C6orf89: variants seen among roughly 807,000 people sequenced by gnomAD.
The protein encoded by C6orf89 is chromosome 6 open reading frame 89.
In C6orf89, 29 loss-of-function variants were observed where a neutral mutation model predicts 40.7. That is an observed-to-expected ratio of 0.71 (90% CI 0.53 to 0.97). The LOEUF is 0.97. Ranked by LOEUF, C6orf89 falls within the 50% of genes least tolerant of loss-of-function variation. C6orf89 has a pLI of 0.00. For missense variants in C6orf89, 392 were observed against 429.1 expected, an observed-to-expected ratio of 0.91 and a Z score of 0.76; for synonymous variants, 165 against 152.2, an observed-to-expected ratio of 1.08 and a Z score of -0.62.
At chr6:36,908,277 G>A (rs933648001) in intron 4 of C6orf89, among the ~76,000 whole-genome samples, 1 of 144,440 alleles carries the variant, frequency 6.9e-6, no homozygotes, top group Admixed American at 6.9e-5. Flanking sequence ...CCACCAGCCT[G>A]GCCACCTCTG....
chr6:36,919,466 T>C (rs1023671196), intron 7 of C6orf89, 112 bp from the exon 8 acceptor site: 12 of 1,309,160 alleles, frequency 9.2e-6, no homozygotes, highest in Non-Finnish European at 1.1e-5. Flanking sequence ...CCTCTTTGCT[T>C]ATGCTAGGAA....
At chr6:36,909,720 C>T (rs1277992769) in intron 4 of C6orf89, among the ~76,000 whole-genome samples, 2 of 151,216 alleles carry the variant, frequency 1.3e-5, no homozygotes, top group Non-Finnish European at 2.9e-5. Flanking sequence ...GAGGTCAAGG[C>T]CACAGTGAGC....
intron 7 of C6orf89, among the ~76,000 whole-genome samples, chr6:36,918,244 C>T (rs989960593): frequency 6.6e-6 from 1 of 152,234 alleles, no homozygotes; most frequent in Non-Finnish European, 1.5e-5. Flanking sequence ...CTAGGGCTGG[C>T]CTGTGCCACC....
intron 6 of C6orf89, 106 bp downstream of exon 6, chr6:36,914,799 G>A (rs1403166918): frequency 2.0e-5 from 27 of 1,346,568 alleles, no homozygotes; most frequent in African/African-American, 2.9e-5. Context: ...AGACCAGCCT[G>A]GCCAACATGG....
At chr6:36,873,234 G>C (rs1430209903) in intron 1 of C6orf89, among the ~76,000 whole-genome samples, 1 of 152,098 alleles carries the variant, frequency 6.6e-6, no homozygotes, top group Non-Finnish European at 1.5e-5. Flanking sequence ...GTATCCTCTA[G>C]GAAAATATAC....
At chr6:36,910,580 T>G (rs895672044) in intron 4 of C6orf89, among the ~76,000 whole-genome samples, 2 of 151,978 alleles carry the variant, frequency 1.3e-5, no homozygotes, top group Non-Finnish European at 2.9e-5. Context: ...ATACAAAAAT[T>G]AGCTGGGTGT....
chr6:36,901,318 A>ATTTTTTTTTTTTTTTTTTTTTTTTT (rs1408790414), intron 3 of C6orf89, among the ~76,000 whole-genome samples: 5 of 65,132 alleles, frequency 7.7e-5, no homozygotes, highest in Non-Finnish European at 1.2e-4. Context: ...TATTATTATT[A>ATTTTTTTTTTTTTTTTTTTTTTTTT]TTATTTTTTT....
intron 8 of C6orf89, among the ~76,000 whole-genome samples, chr6:36,923,071 C>T (rs1037760006): frequency 6.6e-6 from 1 of 152,144 alleles, no homozygotes; most frequent in Non-Finnish European, 1.5e-5. Context: ...TGGCCCACAC[C>T]TGTAATCTCA....
intron 8 of C6orf89, among the ~76,000 whole-genome samples, chr6:36,922,335 C>T (rs1274069037): frequency 3.3e-5 from 5 of 149,838 alleles, no homozygotes; most frequent in South Asian, 4.2e-4. Context: ...AGTGAAACTC[C>T]GTCTCAAAAA....
chr6:36,909,651 G>A (rs1292048929), intron 4 of C6orf89, among the ~76,000 whole-genome samples: 1 of 152,020 alleles, frequency 6.6e-6, no homozygotes, highest in Non-Finnish European at 1.5e-5. Flanking sequence ...ATATGGTGGT[G>A]CACACCTGTA....
intron 1 of C6orf89, chr6:36,874,910 G>C: frequency 1.1e-6 from 1 of 926,010 alleles, no homozygotes; most frequent in African/African-American, 1.7e-5. Flanking sequence ...ACAAGGAAGA[G>C]GACGGTCCCT....
intron 4 of C6orf89, among the ~76,000 whole-genome samples, chr6:36,906,529 A>C (rs1447496908): frequency 6.6e-6 from 1 of 152,086 alleles, no homozygotes; most frequent in Non-Finnish European, 1.5e-5. Context: ...TTTGATAATA[A>C]ATTTTCACAT....
In C6orf89 at chr6:36,919,564, A is replaced by C. The variant is rs746906977; in HGVS notation, c.826-14A>C. On this transcript the variant is annotated splice_polypyrimidine_tract_variant and intron_variant, in intron 7 of 8. Transcript: ENST00000480824. ...TTGCCTTCCTTTTCCTCCCCTCCTC[A>C]TTCTTTCCTCCAGATGCATAAGATG... 1 of 1,606,188 alleles carries C rather than the reference A, an allele frequency of 6.2e-7. No individual in the cohort carries two copies. The highest frequency in any genetic ancestry group is 1.7e-5 in the Admixed American group (1 of 58,990).
chr6:36,908,592 T>G (rs1044031281), intron 4 of C6orf89, among the ~76,000 whole-genome samples: 5 of 152,212 alleles, frequency 3.3e-5, no homozygotes, highest in African/African-American at 1.2e-4. Context: ...TTAATATATA[T>G]AAATAGAAAT....
intron 1 of C6orf89, chr6:36,874,657 C>G: frequency 1.3e-6 from 2 of 1,591,202 alleles, no homozygotes; most frequent in Non-Finnish European, 1.7e-6. Context: ...AACGCAGACC[C>G]GTGGTGAGGC....
chr6:36,882,818 AG>A (rs1382781284), upstream of C6orf89, among the ~76,000 whole-genome samples: 1 of 146,596 alleles, frequency 6.8e-6, no homozygotes, highest in Admixed American at 7.1e-5. Context: ...GCTCACTGCA[AG>A]CTCCGCTTCC....
chr6:36,911,228 G>GC (rs2150705944), intron 4 of C6orf89, among the ~76,000 whole-genome samples: 1 of 152,266 alleles, frequency 6.6e-6, no homozygotes, highest in South Asian at 2.1e-4. Flanking sequence ...AGTGGCTCAC[G>GC]CCTGTAATCC....
upstream of C6orf89, among the ~76,000 whole-genome samples, chr6:36,882,708 A>ATT (rs1774846900): frequency 1.6e-5 from 2 of 122,734 alleles, no homozygotes; most frequent in African/African-American, 3.1e-5. Context: ...TTCAATTGTC[A>ATT]TTTTCTTTTT....
intron 4 of C6orf89, among the ~76,000 whole-genome samples, chr6:36,902,887 A>G (rs1381694161): frequency 6.6e-6 from 1 of 152,174 alleles, no homozygotes; most frequent in Non-Finnish European, 1.5e-5. Flanking sequence ...GTCTGGGTAT[A>G]TCCCACTCTT....
Sources: gnomAD v4.1 joint callset for allele counts (sites outside exome capture counted in the v4.1 genomes callset) on GRCh38, gnomAD v4.1.1 for gene constraint, MANE v1.5 for transcripts, NCBI Gene and HGNC (gene_info 2026-07-23, HGNC 2026-07-21) for gene names.